The following CACNA1E variants were observed in gnomAD, a reference collection of about 807,000 sequenced individuals.
The protein encoded by CACNA1E is voltage-dependent R-type calcium channel subunit alpha-1E.
CACNA1E carries 40 observed loss-of-function variants against 259.2 expected under a neutral mutation model. The ratio of observed to expected loss-of-function variants is 0.15; its 90% CI spans 0.12 to 0.20. CACNA1E has a LOEUF of 0.20. Ranked by LOEUF, CACNA1E falls within the 10% of genes least tolerant of loss-of-function variation. The pLI, the probability that CACNA1E is intolerant of heterozygous loss-of-function variation, is 1.00. For missense variants in CACNA1E, 1,874 were observed against 3,040.1 expected (o/e 0.62, Z 9.02); for synonymous variants, 1,104 against 1,138.5 (o/e 0.97, Z 0.61).
At chr1:181,724,685 C>T (rs974546634) in intron 17 of CACNA1E, 148 bp downstream of exon 17, 22 of 647,616 alleles carry the variant, frequency 3.4e-5, no homozygotes, top group Non-Finnish European at 5.9e-5. Context: ...TGGAGAGCCA[C>T]ACACCCATGA....
intron 3 of CACNA1E, among the ~76,000 whole-genome samples, chr1:181,544,758 G>T (rs1647273629): frequency 6.6e-6 from 1 of 152,158 alleles, no homozygotes; most frequent in Non-Finnish European, 1.5e-5. Context: ...GGCTGACCCC[G>T]GAGGGTTTGC....
At chr1:181,455,981 G>A (rs963343111) in intron 2 of CACNA1E, among the ~76,000 whole-genome samples, 1 of 152,152 alleles carries the variant, frequency 6.6e-6, no homozygotes, top group Admixed American at 6.5e-5. Context: ...ACTGAGGTTC[G>A]GATGGTTACC....
intron 18 of CACNA1E, 73 bp from the exon 19 acceptor site, chr1:181,731,102 T>C (rs1655430560): frequency 1.7e-6 from 2 of 1,199,224 alleles, no homozygotes; most frequent in African/African-American, 3.0e-5. Flanking sequence ...CCTCTGGAAA[T>C]CTGCTGGTGG....
intron 7 of CACNA1E, among the ~76,000 whole-genome samples, chr1:181,688,270 T>TA (rs1218136950): frequency 3.9e-5 from 6 of 152,218 alleles, no homozygotes; most frequent in African/African-American, 1.4e-4. Flanking sequence ...AATATATCGC[T>TA]AAATGTTATA....
chr1:181,695,735 G>A (rs1173747596), intron 7 of CACNA1E, among the ~76,000 whole-genome samples: 8 of 152,222 alleles, frequency 5.3e-5, no homozygotes, highest in Middle Eastern at 3.4e-3. Context: ...TGAGGTGGGC[G>A]AATCACTTGA....
chr1:181,736,146 C>A (rs1656009497), intron 21 of CACNA1E, 129 bp from the exon 22 acceptor site: 1 of 1,069,352 alleles, frequency 9.4e-7, no homozygotes, highest in Non-Finnish European at 1.3e-6. Context: ...CCAGTGCCTG[C>A]AGGGCACCTT....
chr1:181,673,681 C>G (rs1362021275), intron 7 of CACNA1E, among the ~76,000 whole-genome samples: 2 of 152,134 alleles, frequency 1.3e-5, no homozygotes, highest in African/African-American at 4.8e-5. Flanking sequence ...AAGCCATGGG[C>G]TGGGCAGGAC....
chr1:181,660,304 C>T (rs774886104), intron 7 of CACNA1E, among the ~76,000 whole-genome samples: 1 of 152,268 alleles, frequency 6.6e-6, no homozygotes, highest in Non-Finnish European at 1.5e-5. Flanking sequence ...GTCTGCTATG[C>T]AAAAGATACC....
intron 2 of CACNA1E, among the ~76,000 whole-genome samples, chr1:181,423,574 C>T (rs1425146730): frequency 3.9e-5 from 6 of 152,122 alleles, no homozygotes; most frequent in African/African-American, 1.4e-4. Flanking sequence ...GGCATTCACA[C>T]CGCATTCAGC....
intron 15 of CACNA1E, among the ~76,000 whole-genome samples, chr1:181,721,437 G>A (rs1021793521): frequency 6.6e-6 from 1 of 152,118 alleles, no homozygotes; most frequent in Non-Finnish European, 1.5e-5. Context: ...GGACAGTTAG[G>A]TAATGACCAG....
At chr1:181,423,099 G>C (rs553499811) in intron 2 of CACNA1E, among the ~76,000 whole-genome samples, 1 of 152,154 alleles carries the variant, frequency 6.6e-6, no homozygotes, top group African/African-American at 2.4e-5. Context: ...AACATCTATC[G>C]CATGTGCCTT....
chr1:181,329,411 T>C (rs115110041), intron 1 of CACNA1E, among the ~76,000 whole-genome samples: 196 of 152,284 alleles, frequency 1.3e-3, no homozygotes, highest in Non-Finnish European at 1.8e-3. Flanking sequence ...CTCCAAGATC[T>C]TAGCCATGGT....
intron 6 of CACNA1E, among the ~76,000 whole-genome samples, chr1:181,595,425 A>G (rs1358664944): frequency 6.6e-6 from 1 of 152,198 alleles, no homozygotes; most frequent in East Asian, 1.9e-4. Flanking sequence ...TCTTGGCAGC[A>G]CATGTTCCCC....
chr1:181,565,666 A>G lies in CACNA1E; in HGVS notation c.513-12100A>G, dbSNP rs1023891176. ...TATTGTTGTCAGAGGAAGAGGAGGG[A>G]CTGGTAGTAAAAACAATAGGTGTAC... On this transcript the variant is annotated intron_variant, in intron 3 of 47. Coordinates refer to ENST00000367573, the MANE Select transcript of CACNA1E (RefSeq NM_001205293.3). Among the ~76,000 whole-genome samples the G allele has an allele frequency of 2.0e-5, 3 of 152,198 alleles. No individual in the cohort carries two copies. In the South Asian group the frequency reaches 6.2e-4, roughly 32 times the overall value.
intron 34 of CACNA1E, among the ~76,000 whole-genome samples, chr1:181,764,402 A>G (rs1558361920): frequency 6.6e-6 from 1 of 152,190 alleles, no homozygotes; most frequent in Non-Finnish European, 1.5e-5. Context: ...AATTCACCAA[A>G]TTGACTTTCT....
intron 35 of CACNA1E, 24 bp downstream of exon 35, chr1:181,766,635 G>T: frequency 6.4e-7 from 1 of 1,565,396 alleles, no homozygotes; most frequent in Non-Finnish European, 8.8e-7. Flanking sequence ...TCAAGGGCCC[G>T]GTGGGGGACA....
chr1:181,430,003 CT>C (rs1245131929), intron 2 of CACNA1E, among the ~76,000 whole-genome samples: 1 of 152,230 alleles, frequency 6.6e-6, no homozygotes, highest in Non-Finnish European at 1.5e-5. Context: ...GCAAATCCCC[CT>C]ATCTCCCTTT....
intron 2 of CACNA1E, among the ~76,000 whole-genome samples, chr1:181,465,978 T>C (rs2102393563): frequency 7.4e-6 from 1 of 136,000 alleles, no homozygotes; most frequent in Admixed American, 7.5e-5. Context: ...GCCTAAGTGT[T>C]CCTGAATCCC....
At chr1:181,789,923 C>T (rs1214469705) in intron 43 of CACNA1E, among the ~76,000 whole-genome samples, 1 of 152,126 alleles carries the variant, frequency 6.6e-6, no homozygotes, top group Non-Finnish European at 1.5e-5. Context: ...GTTCATGAAC[C>T]AACAGACTTA....
Sources: allele counts gnomAD v4.1 joint callset (sites outside exome capture counted in the v4.1 genomes callset), GRCh38; gene constraint gnomAD v4.1.1; transcripts MANE v1.5; gene names NCBI Gene and HGNC (gene_info 2026-07-23, HGNC 2026-07-21).